The following SPTLC2 variants were observed in gnomAD, a reference collection of about 807,000 sequenced individuals.
SPTLC2 encodes the protein serine palmitoyltransferase long chain base subunit 2.
Under a neutral mutation model 62.0 loss-of-function variants are expected in SPTLC2, and 21 were observed. The ratio of observed to expected loss-of-function variants is 0.34; its 90% CI spans 0.24 to 0.49. The LOEUF is 0.49. Among genes scored for constraint, SPTLC2 ranks in the 20% least tolerant of loss-of-function variants. The probability of loss-of-function intolerance (pLI) is 0.99; values close to 1 mark genes in which losing one functional copy is unlikely to be tolerated. For missense variants in SPTLC2, 511 were observed against 713.0 expected, an observed-to-expected ratio of 0.72 and a Z score of 3.23; for synonymous variants, 261 against 261.8, an observed-to-expected ratio of 1.00 and a Z score of 0.03.
chr14:77,593,668 C>T (rs1035607296), intron 2 of SPTLC2, among the ~76,000 whole-genome samples: 2 of 152,112 alleles, frequency 1.3e-5, no homozygotes, highest in Non-Finnish European at 2.9e-5. Context: ...ACGGTATTTC[C>T]TTACATCAAA....
In SPTLC2 at chr14:77,509,298, A is replaced by G. The variant is rs1234909236; in HGVS notation, c.*2986T>C. The G allele has an allele frequency of 6.6e-6, 1 of 152,088 alleles. No homozygotes were observed. Among genetic ancestry groups the G allele is most frequent in the Non-Finnish European group, 1.5e-5 (1 of 68,008 alleles). 9.4% of individuals were successfully genotyped at this position (152,088 alleles called of 1,614,324 possible). ...AAAGTCCATGCCCCTGCTAAGTTAA[A>G]GCTTAAAAAAAAAAAGATGCGAGGA... On this transcript the variant is annotated 3_prime_UTR_variant, in exon 12 of 12. Transcript: ENST00000216484.
At chr14:77,512,524 T>C (rs1391966628) in intron 11 of SPTLC2, 121 bp from the exon 12 acceptor site, 3 of 1,454,094 alleles carry the variant, frequency 2.1e-6, no homozygotes, top group Non-Finnish European at 1.9e-6. Context: ...TTATGTCTAG[T>C]GCATTTACAA....
At chr14:77,515,988 CTGTG>C (rs142493170) in intron 11 of SPTLC2, among the ~76,000 whole-genome samples, 1 of 151,078 alleles carries the variant, frequency 6.6e-6, no homozygotes, top group Non-Finnish European at 1.5e-5. Context: ...TGAGCTCTAG[CTGTG>C]TGTGTGTGTG....
intron 9 of SPTLC2, among the ~76,000 whole-genome samples, chr14:77,550,522 C>T (rs1262287917): frequency 1.3e-5 from 2 of 151,858 alleles, no homozygotes; most frequent in Admixed American, 1.3e-4. Flanking sequence ...TTGTGGTGAG[C>T]CAAGATCATG....
chr14:77,562,521 G>A, intron 5 of SPTLC2, 32 bp from the exon 6 acceptor site: 4 of 1,575,406 alleles, frequency 2.5e-6, no homozygotes, highest in Non-Finnish European at 3.5e-6. Flanking sequence ...AAGGTAAGAA[G>A]CTGGAGGGGA....
intron 2 of SPTLC2, among the ~76,000 whole-genome samples, chr14:77,583,238 T>A (rs1055198534): frequency 1.9e-4 from 26 of 140,246 alleles, no homozygotes; most frequent in African/African-American, 6.1e-4. Flanking sequence ...AATAAATAAA[T>A]AAAAATAATA....
chr14:77,562,093 A>C (rs2079617938), intron 6 of SPTLC2, among the ~76,000 whole-genome samples: 1 of 152,198 alleles, frequency 6.6e-6, no homozygotes, highest in African/African-American at 2.4e-5. Context: ...TATTCACTTA[A>C]ATACTGTTAG....
At chr14:77,557,435 C>G (rs1014789921) in intron 6 of SPTLC2, 2 of 420,944 alleles carry the variant, frequency 4.8e-6, no homozygotes, top group Non-Finnish European at 8.8e-6. Flanking sequence ...TGTTAAATAC[C>G]CTGCCATTAA....
intron 3 of SPTLC2, among the ~76,000 whole-genome samples, chr14:77,578,537 T>C (rs930887021): frequency 2.6e-5 from 4 of 151,846 alleles, no homozygotes. Context: ...GCCAACATGG[T>C]GAAACCCCAT....
chr14:77,553,149 C>T (rs150505776), intron 8 of SPTLC2, among the ~76,000 whole-genome samples: 2 of 152,258 alleles, frequency 1.3e-5, no homozygotes, highest in East Asian at 3.9e-4. Flanking sequence ...AATTGTATAT[C>T]CCTATTCTCT....
intron 5 of SPTLC2, among the ~76,000 whole-genome samples, chr14:77,564,397 GCATACACACACACACACACACACA>G (rs1346659250): frequency 1.0e-5 from 1 of 99,786 alleles, no homozygotes; most frequent in Non-Finnish European, 1.9e-5. Context: ...CTTTATGCAT[GCATACACACACACACACACACACA>G]CACACACACA....
Position 77,552,182 on chromosome 14 carries a change from A to G in SPTLC2, c.1217T>C (p.Val406Ala), listed in dbSNP as rs1024879456. Residue 406 changes from valine (V) to alanine (A), a missense_variant, in exon 9 of 12, where the codon GTG becomes GCG. Physicochemically the swap from Val to Ala is moderately conservative, Grantham distance 64. Transcript: ENST00000216484. ...DYLRTHSHSA[V>A]YATSLSPPVV... ...AGGAGGTGACAATGACGTGGCATAC[A>G]CTGCACTATGAGAATGTGTTCGCAG... 3.6e-5 allele frequency: 58 copies of G among 1,614,058 alleles called. No individual in the cohort carries two copies. The highest frequency in any genetic ancestry group is 4.7e-5 in the Non-Finnish European group (56 of 1,180,034).
At chr14:77,522,685 G>A (rs975875756) in intron 9 of SPTLC2, among the ~76,000 whole-genome samples, 1 of 152,168 alleles carries the variant, frequency 6.6e-6, no homozygotes, top group African/African-American at 2.4e-5. Context: ...ACAGAGCAAA[G>A]CAATAAATTT....
chr14:77,554,061 T>C (rs2079570037), intron 8 of SPTLC2, among the ~76,000 whole-genome samples: 1 of 152,148 alleles, frequency 6.6e-6, no homozygotes, highest in African/African-American at 2.4e-5. Context: ...CAAGTAATCC[T>C]CCCACTTCAG....
intron 4 of SPTLC2, among the ~76,000 whole-genome samples, chr14:77,573,492 A>C (rs61239173): frequency 0.08 from 9,492 of 117,998 alleles, 304 homozygotes; most frequent in Middle Eastern, 0.14. Flanking sequence ...ATTTTTACAA[A>C]GATTTTAAAA....
intron 5 of SPTLC2, among the ~76,000 whole-genome samples, chr14:77,564,700 A>T (rs2079635129): frequency 1.4e-5 from 2 of 145,996 alleles, no homozygotes; most frequent in African/African-American, 2.6e-5. Flanking sequence ...AGAATGCTTT[A>T]AAAAAAAAAA....
chr14:77,552,523 T>C (rs546557111), intron 8 of SPTLC2, among the ~76,000 whole-genome samples: 3 of 152,236 alleles, frequency 2.0e-5, no homozygotes, highest in African/African-American at 7.2e-5. Context: ...GTTAGAAATA[T>C]GGCCGTGCAT....
At chr14:77,565,906 A>C (rs1043742018) in intron 5 of SPTLC2, among the ~76,000 whole-genome samples, 2 of 152,206 alleles carry the variant, frequency 1.3e-5, no homozygotes, top group African/African-American at 4.8e-5. Flanking sequence ...CTCTTTTGTA[A>C]CTCTTTTTGT....
intron 4 of SPTLC2, 102 bp downstream of exon 4, chr14:77,576,665 C>T (rs2079717504): frequency 6.6e-7 from 1 of 1,506,206 alleles, no homozygotes; most frequent in South Asian, 1.1e-5. Context: ...AATGACATGA[C>T]AAAGTGTAGA....
Sources: gnomAD v4.1 joint callset for allele counts (sites outside exome capture counted in the v4.1 genomes callset) on GRCh38, gnomAD v4.1.1 for gene constraint, MANE v1.5 for transcripts, NCBI Gene and HGNC (gene_info 2026-07-23, HGNC 2026-07-21) for gene names.